The following CCSER1 variants were observed in gnomAD, a reference collection of about 807,000 sequenced individuals.
CCSER1 encodes the protein serine-rich coiled-coil domain-containing protein 1.
Under a neutral mutation model 82.0 loss-of-function variants are expected in CCSER1, and 41 were observed. That is an observed-to-expected ratio of 0.50 (90% CI 0.39 to 0.65). The LOEUF (loss-of-function observed/expected upper bound fraction) is 0.65. Among genes scored for constraint, CCSER1 ranks in the 30% least tolerant of loss-of-function variants. The pLI, the probability that CCSER1 is intolerant of heterozygous loss-of-function variation, is 0.00. For missense variants in CCSER1, 1,119 were observed against 1,064.2 expected, an observed-to-expected ratio of 1.05 and a Z score of -0.72; for synonymous variants, 414 against 383.9, an observed-to-expected ratio of 1.08 and a Z score of -0.92.
At chr4:90,819,549 T>C (rs1025329499) in intron 8 of CCSER1, among the ~76,000 whole-genome samples, 3 of 152,208 alleles carry the variant, frequency 2.0e-5, no homozygotes, top group African/African-American at 7.2e-5. Flanking sequence ...GGTGGGTAGA[T>C]TTCACAAAGC....
chr4:90,521,164 T>G (rs1424717148), intron 5 of CCSER1, among the ~76,000 whole-genome samples: 2 of 152,080 alleles, frequency 1.3e-5, no homozygotes, highest in Non-Finnish European at 2.9e-5. Context: ...TGTGCTTCTC[T>G]TAAGTTCCCA....
At chr4:91,264,746 A>G (rs1409279589) in intron 10 of CCSER1, among the ~76,000 whole-genome samples, 1 of 152,034 alleles carries the variant, frequency 6.6e-6, no homozygotes, top group African/African-American at 2.4e-5. Context: ...GATCAGGTGC[A>G]TTCAGGGTAG....
At chr4:90,133,448 T>G (rs1007875872) in intron 1 of CCSER1, among the ~76,000 whole-genome samples, 1 of 152,184 alleles carries the variant, frequency 6.6e-6, no homozygotes, top group Non-Finnish European at 1.5e-5. Context: ...TCCTGTGATA[T>G]TTTTGGTTTT....
intron 10 of CCSER1, among the ~76,000 whole-genome samples, chr4:91,465,488 G>A (rs565917394): frequency 2.6e-5 from 4 of 152,178 alleles, no homozygotes; most frequent in South Asian, 2.1e-4. Context: ...CAGAAGGCAA[G>A]AAATAACTAA....
chr4:91,109,529 A>G (rs1418041574), intron 10 of CCSER1, among the ~76,000 whole-genome samples: 3 of 152,176 alleles, frequency 2.0e-5, no homozygotes, highest in African/African-American at 7.2e-5. Context: ...GATCAAAAGC[A>G]TTAAGTAAAG....
At chr4:91,095,396 G>T (rs1451551469) in intron 10 of CCSER1, among the ~76,000 whole-genome samples, 1 of 152,104 alleles carries the variant, frequency 6.6e-6, no homozygotes, top group African/African-American at 2.4e-5. Context: ...CTTTGGGGGG[G>T]ATCCCTCTAA....
intron 10 of CCSER1, among the ~76,000 whole-genome samples, chr4:91,238,267 G>T (rs1739173590): frequency 6.6e-6 from 1 of 152,042 alleles, no homozygotes; most frequent in Non-Finnish European, 1.5e-5. Flanking sequence ...GTCCATGGAG[G>T]AACCACATAG....
At chr4:90,400,936 A>T (rs372797923) in intron 4 of CCSER1, among the ~76,000 whole-genome samples, 4 of 152,158 alleles carry the variant, frequency 2.6e-5, no homozygotes, top group African/African-American at 9.7e-5. Flanking sequence ...TACTGCATAC[A>T]TTTAAGAAAA....
intron 9 of CCSER1, among the ~76,000 whole-genome samples, chr4:91,061,730 A>G: frequency 6.6e-6 from 1 of 152,170 alleles, no homozygotes; most frequent in South Asian, 2.1e-4. Context: ...TATAATTTGA[A>G]TAATAAGCAA....
rs573986531 is a variant in CCSER1, at chr4:91,083,419, G to A, written c.2173-2531G>A. Among the ~76,000 whole-genome samples, 14 of 152,168 alleles carry A rather than the reference G, an allele frequency of 9.2e-5. No homozygotes were observed. In the East Asian group the frequency reaches 2.7e-3, roughly 30 times the overall value. ...CACACAGGAGCCTGCCGGGGGGTTGGCGGGGGGAAGGATAGCATTAGGAGA... is the reference window on the plus strand; with the variant it reads ...CACACAGGAGCCTGCCGGGGGGTTGACGGGGGGAAGGATAGCATTAGGAGA... On this transcript the variant is annotated intron_variant, in intron 9 of 10. Coordinates refer to ENST00000509176, the MANE Select transcript of CCSER1 (RefSeq NM_001145065.2).
intron 10 of CCSER1, among the ~76,000 whole-genome samples, chr4:91,434,270 T>C (rs1754508761): frequency 6.6e-6 from 1 of 152,082 alleles, no homozygotes; most frequent in Non-Finnish European, 1.5e-5. Flanking sequence ...GGGTACTTAA[T>C]TTAGGAATAT....
chr4:91,497,213 TA>T (rs1758970514), intron 10 of CCSER1, among the ~76,000 whole-genome samples: 1 of 151,530 alleles, frequency 6.6e-6, no homozygotes, highest in Non-Finnish European at 1.5e-5. Context: ...ATGATTAAAA[TA>T]AGAATAGTTA....
intron 1 of CCSER1, among the ~76,000 whole-genome samples, chr4:90,140,963 C>A (rs1279312429): frequency 6.6e-6 from 1 of 151,894 alleles, no homozygotes; most frequent in Admixed American, 6.6e-5. Context: ...CCGCGCCCGG[C>A]CTTGGTCTAC....
intron 10 of CCSER1, among the ~76,000 whole-genome samples, chr4:91,542,446 T>A (rs1345260824): frequency 6.6e-6 from 1 of 152,170 alleles, no homozygotes; most frequent in African/African-American, 2.4e-5. Context: ...TTTCTACATA[T>A]GGCTAGCTCA....
intron 9 of CCSER1, among the ~76,000 whole-genome samples, chr4:91,016,370 G>A (rs1739431467): frequency 6.6e-6 from 1 of 151,808 alleles, no homozygotes; most frequent in South Asian, 2.1e-4. Flanking sequence ...ATTGACTTTA[G>A]AAAGCAACAG....
intron 10 of CCSER1, among the ~76,000 whole-genome samples, chr4:91,136,710 A>G (rs114998251): frequency 1.4e-3 from 212 of 152,284 alleles, no homozygotes; most frequent in African/African-American, 4.9e-3. Context: ...AATATCACTG[A>G]TAATTGATAA....
chr4:91,562,466 T>A lies in CCSER1; in HGVS notation c.2218-36106T>A, dbSNP rs1317311296. 5.3e-5 allele frequency among the ~76,000 whole-genome samples: 8 copies of A among 151,582 alleles called. No homozygotes were observed. In the Admixed American group the frequency reaches 5.3e-4, roughly 10 times the overall value. On this transcript the variant is annotated intron_variant, in intron 10 of 10. Transcript: ENST00000509176. The stretch of plus-strand genomic sequence containing the variant: ...CCTTGGATGGAATAAGGGTTTATCT[T>A]CTTTCCATGTTCTACCTCTTGCAAA...
At chr4:91,518,634 T>C (rs1306694121) in intron 10 of CCSER1, among the ~76,000 whole-genome samples, 1 of 152,140 alleles carries the variant, frequency 6.6e-6, no homozygotes, top group Non-Finnish European at 1.5e-5. Context: ...AGGGCTCACA[T>C]GGAGGAGAGA....
intron 3 of CCSER1, among the ~76,000 whole-genome samples, chr4:90,313,302 C>A (rs550477128): frequency 2.0e-5 from 3 of 152,248 alleles, no homozygotes; most frequent in Non-Finnish European, 4.4e-5. Flanking sequence ...TATTCTAGAA[C>A]AAGACACTTG....
Sources: allele counts gnomAD v4.1 joint callset (sites outside exome capture counted in the v4.1 genomes callset), GRCh38; gene constraint gnomAD v4.1.1; transcripts MANE v1.5; gene names NCBI Gene and HGNC (gene_info 2026-07-23, HGNC 2026-07-21).